ZC3H12B: variants seen among roughly 807,000 people sequenced by gnomAD.
ZC3H12B encodes the protein probable ribonuclease ZC3H12B.
A neutral mutation model predicts 43.9 loss-of-function variants in ZC3H12B; 7 were observed. The observed-to-expected ratio is 0.16, with a 90% CI of 0.09 to 0.30. The LOEUF is 0.30. ZC3H12B is among the 10% of genes least tolerant of loss of function. The pLI is 1.00. For synonymous variants in ZC3H12B, 222 were observed against 241.7 expected (o/e 0.92, Z 0.76); for missense variants, 475 against 670.2 (o/e 0.71, Z 3.22).
At chrX:65,438,929 C>T (rs1295816834) in intron 3 of ZC3H12B, among the ~76,000 whole-genome samples, 1 of 112,873 alleles carries the variant, frequency 8.9e-6, no homozygotes, top group Non-Finnish European at 1.9e-5. Flanking sequence ...CTTTGGGAGG[C>T]TTGCTCCCAA....
intron 3 of ZC3H12B, among the ~76,000 whole-genome samples, chrX:65,412,716 C>T (rs867558381): frequency 4.5e-5 from 5 of 111,971 alleles, no homozygotes; most frequent in Non-Finnish European, 9.4e-5. Flanking sequence ...CATCTGCTCA[C>T]CTCAGCCTCC....
the ZC3H12B span, among the ~76,000 whole-genome samples, chrX:65,313,159 G>T: frequency 8.9e-6 from 1 of 111,908 alleles, no homozygotes; most frequent in South Asian, 3.7e-4. Context: ...GGGATTACAG[G>T]CATGAGCCAC....
At chrX:65,087,736 T>G in the ZC3H12B span, among the ~76,000 whole-genome samples, 1 of 111,691 alleles carries the variant, frequency 9.0e-6, no homozygotes, top group South Asian at 3.7e-4. Flanking sequence ...GAAGATTAGG[T>G]GAAGGTCATT....
chrX:65,035,305 C>A, the ZC3H12B span, among the ~76,000 whole-genome samples: 1 of 112,103 alleles, frequency 8.9e-6, no homozygotes, highest in South Asian at 3.7e-4. Context: ...GGTTCTAGTG[C>A]GCCTTTCCGG....
the ZC3H12B span, among the ~76,000 whole-genome samples, chrX:65,308,317 G>A: frequency 9.1e-6 from 1 of 110,228 alleles, no homozygotes; most frequent in Non-Finnish European, 1.9e-5. Context: ...CAGATGGAAA[G>A]CAAAAAAAAG....
the ZC3H12B span, among the ~76,000 whole-genome samples, chrX:65,178,440 G>A: frequency 8.9e-6 from 1 of 112,231 alleles, no homozygotes; most frequent in Non-Finnish European, 1.9e-5. Flanking sequence ...AAGAGCTTCT[G>A]CACAGCAAAA....
At chrX:65,272,675 T>G in the ZC3H12B span, 5 of 111,837 alleles carry the variant, frequency 4.5e-5, no homozygotes, top group Admixed American at 3.8e-4. Context: ...GCTCTTATTA[T>G]AAGATATGGT....
chrX:65,302,562 A>C, the ZC3H12B span, among the ~76,000 whole-genome samples: 1 of 112,328 alleles, frequency 8.9e-6, no homozygotes, highest in Admixed American at 9.4e-5. Context: ...GTAAGAAAAT[A>C]TTTTGAAGAT....
the ZC3H12B span, among the ~76,000 whole-genome samples, chrX:65,145,253 T>TA: frequency 2.8e-5 from 3 of 108,258 alleles, no homozygotes; most frequent in Non-Finnish European, 3.8e-5. Flanking sequence ...TTTTTTTTTT[T>TA]AACTGCTGTT....
At chrX:65,342,667 G>A in the ZC3H12B span, among the ~76,000 whole-genome samples, 1 of 110,858 alleles carries the variant, frequency 9.0e-6, no homozygotes, top group Non-Finnish European at 1.9e-5. Flanking sequence ...GCACTAAGAG[G>A]AAAATTTATA....
At chrX:65,197,601 G>A in the ZC3H12B span, among the ~76,000 whole-genome samples, 3 of 111,983 alleles carry the variant, frequency 2.7e-5, no homozygotes, top group African/African-American at 9.7e-5. Context: ...TTTTATGGGT[G>A]ATATTCTACT....
the ZC3H12B span, among the ~76,000 whole-genome samples, chrX:65,260,377 G>A: frequency 1.8e-5 from 2 of 110,669 alleles, no homozygotes. Flanking sequence ...AATTAGAATG[G>A]GGTTGTATTC....
chrX:65,412,917 G>A (rs747474852), intron 3 of ZC3H12B, among the ~76,000 whole-genome samples: 71 of 111,334 alleles, frequency 6.4e-4, no homozygotes, highest in African/African-American at 2.3e-3. Flanking sequence ...TCCACCAGCA[G>A]TGTTTAAGGA....
the ZC3H12B span, among the ~76,000 whole-genome samples, chrX:65,143,251 G>A: frequency 9.0e-6 from 1 of 110,513 alleles, no homozygotes; most frequent in Non-Finnish European, 1.9e-5. Context: ...AGGTTTTTTT[G>A]TTTCTTTGTT....
intron 2 of ZC3H12B, among the ~76,000 whole-genome samples, chrX:65,376,845 C>T: frequency 9.1e-6 from 1 of 110,487 alleles, no homozygotes; most frequent in Non-Finnish European, 1.9e-5. Context: ...AAATATGTAA[C>T]TTTTCAATGC....
chrX:65,385,270 T>C lies in ZC3H12B; in HGVS notation n.296-13323T>C, dbSNP rs1464635427. On this transcript the variant is annotated intron_variant and non_coding_transcript_variant, in intron 2 of 5. Coordinates refer to the ZC3H12B transcript ENST00000617377. Reference sequence around the variant, plus strand: ...GGCCATTTTCACGATTTTGATTCTTTCTATCCATGAGCATGGAATGTTCTT... The same window carrying C: ...GGCCATTTTCACGATTTTGATTCTTCCTATCCATGAGCATGGAATGTTCTT... Among the ~76,000 whole-genome samples, 4 of 112,160 alleles carry C rather than the reference T, an allele frequency of 3.6e-5. No homozygotes were observed. In the East Asian group the frequency reaches 8.3e-4, roughly 23 times the overall value.
chrX:65,386,551 G>C (rs2066529222), intron 2 of ZC3H12B, among the ~76,000 whole-genome samples: 1 of 110,215 alleles, frequency 9.1e-6, no homozygotes. Flanking sequence ...TTCTTTTTTA[G>C]TCTTGCTAGC....
At chrX:65,144,005 G>T in the ZC3H12B span, among the ~76,000 whole-genome samples, 1 of 111,439 alleles carries the variant, frequency 9.0e-6, no homozygotes, top group African/African-American at 3.3e-5. Context: ...ATATTAGGGT[G>T]ATACAGGCTT....
At chrX:65,488,818 A>C (rs1229848582) in exon 1 of ZC3H12B, 2 of 1,198,578 alleles carry the variant, frequency 1.7e-6, no homozygotes, top group Non-Finnish European at 2.2e-6. Context: ...GCCACAGCTG[A>C]GGTAGAGACA....
Sources: gnomAD v4.1 joint callset for allele counts (sites outside exome capture counted in the v4.1 genomes callset) on GRCh38, gnomAD v4.1.1 for gene constraint, MANE v1.5 for transcripts, NCBI Gene and HGNC (gene_info 2026-07-23, HGNC 2026-07-21) for gene names.